The following DIS3L2 variants were observed in gnomAD, a reference collection of about 807,000 sequenced individuals.
DIS3L2 encodes the protein DIS3-like exonuclease 2.
DIS3L2 carries 34 observed loss-of-function variants against 97.5 expected under a neutral mutation model. That is an observed-to-expected ratio of 0.35 (90% CI 0.27 to 0.46). The LOEUF (loss-of-function observed/expected upper bound fraction) is 0.46. Among genes scored for constraint, DIS3L2 ranks in the 20% least tolerant of loss-of-function variants. DIS3L2 has a pLI of 1.00. For missense variants in DIS3L2, 1,038 were observed against 1,146.0 expected, an observed-to-expected ratio of 0.91 and a Z score of 1.36; for synonymous variants, 435 against 445.2, an observed-to-expected ratio of 0.98 and a Z score of 0.29.
At chr2:232,336,329 G>GC (rs1397619880) in intron 20 of DIS3L2, 140 bp from the exon 21 acceptor site, 10 of 1,547,522 alleles carry the variant, frequency 6.5e-6, no homozygotes, top group Non-Finnish European at 2.6e-6. Flanking sequence ...CCTGGAGGGG[G>GC]CCCCCATTAC....
At chr2:232,168,060 A>C (rs1387775061) in intron 9 of DIS3L2, among the ~76,000 whole-genome samples, 1 of 152,186 alleles carries the variant, frequency 6.6e-6, no homozygotes, top group African/African-American at 2.4e-5. Flanking sequence ...AAAAATAAAA[A>C]TAAATAAAAA....
At chr2:232,329,785 T>TCCCCGGGGGG in intron 14 of DIS3L2, 28 bp from the exon 15 acceptor site, 83 of 967,070 alleles carry the variant, frequency 8.6e-5, no homozygotes, top group Non-Finnish European at 9.3e-5. Context: ...ACCCCAGCGG[T>TCCCCGGGGGG]CCCTCCCATC....
chr2:231,972,170 C>T (rs376302215), intron 1 of DIS3L2, among the ~76,000 whole-genome samples: 24 of 150,706 alleles, frequency 1.6e-4, no homozygotes, highest in South Asian at 4.2e-4. Context: ...GGCTACAGAG[C>T]GAGACTCGGT....
At chr2:232,015,008 A>T in intron 2 of DIS3L2, 29 bp downstream of exon 2, 1 of 1,612,454 alleles carries the variant, frequency 6.2e-7, no homozygotes, top group Non-Finnish European at 8.5e-7. Context: ...AGTCTGCCTG[A>T]ATAACTGGAG....
intron 13 of DIS3L2, among the ~76,000 whole-genome samples, chr2:232,294,835 A>G (rs1288857397): frequency 6.6e-6 from 1 of 152,234 alleles, no homozygotes; most frequent in African/African-American, 2.4e-5. Flanking sequence ...CGAGGATTAA[A>G]TAAGATCAGC....
At position 232,334,645 on chromosome 2, in the gene DIS3L2, G is replaced by A. The variant is rs1366441079; in HGVS notation, c.2304G>A (p.Leu768=). 2.5e-6 allele frequency: 4 copies of A among 1,608,586 alleles called. No homozygotes were observed. Among genetic ancestry groups the A allele is most frequent in the Non-Finnish European group, 3.4e-6 (4 of 1,177,892 alleles). The change falls in exon 19 of 21, where the codon CTG becomes CTA. Residue 768 remains leucine, a synonymous_variant. Transcript: ENST00000325385. ...TGTCCCTGCAGGAGAGTGGCCCCCT[G>A]GAGTCAGAAGCCATGGTGATGGGCA... is the stretch of plus-strand genomic sequence containing the variant. The part of the protein sequence containing the change: ...FAVLVKESGP[L]ESEAMVMGIL...
chr2:232,216,095 T>C (rs920409487), intron 10 of DIS3L2, among the ~76,000 whole-genome samples: 1 of 152,252 alleles, frequency 6.6e-6, no homozygotes, highest in African/African-American at 2.4e-5. Context: ...TTCACTTGTG[T>C]CTGTCAGGAC....
chr2:232,251,483 A>G (rs1216934197), intron 12 of DIS3L2, among the ~76,000 whole-genome samples: 1 of 152,236 alleles, frequency 6.6e-6, no homozygotes, highest in Non-Finnish European at 1.5e-5. Flanking sequence ...AAGATATACA[A>G]TATCTGTTCA....
intron 9 of DIS3L2, among the ~76,000 whole-genome samples, chr2:232,188,201 GTGTTTCCCCTC>G (rs1402696877): frequency 6.6e-6 from 1 of 152,182 alleles, no homozygotes; most frequent in Non-Finnish European, 1.5e-5. Context: ...TATAAACAAA[GTGTTTCCCCTC>G]TGTGCAGAGA....
chr2:232,077,965 C>CTTTCTTTCTTTCT (rs1358830598), intron 5 of DIS3L2, among the ~76,000 whole-genome samples: 1 of 102,482 alleles, frequency 9.8e-6, no homozygotes, highest in Non-Finnish European at 2.0e-5. Context: ...CTCTTTCTTT[C>CTTTCTTTCTTTCT]TTTCTTTCTT....
At chr2:232,283,138 T>G (rs2106303459) in intron 13 of DIS3L2, among the ~76,000 whole-genome samples, 1 of 152,340 alleles carries the variant, frequency 6.6e-6, no homozygotes, top group South Asian at 2.1e-4. Context: ...TGCCAAGTGC[T>G]TTCACACATT....
intron 1 of DIS3L2, among the ~76,000 whole-genome samples, chr2:231,968,676 T>C (rs886287944): frequency 1.3e-5 from 2 of 152,280 alleles, no homozygotes; most frequent in Non-Finnish European, 2.9e-5. Flanking sequence ...AAAAATTTTG[T>C]TTACAAGGCT....
intron 9 of DIS3L2, among the ~76,000 whole-genome samples, chr2:232,207,891 C>A (rs1158307915): frequency 3.9e-5 from 6 of 152,052 alleles, no homozygotes; most frequent in Non-Finnish European, 8.8e-5. Flanking sequence ...AAGGAAGATT[C>A]TCTATAGTTT....
intron 5 of DIS3L2, among the ~76,000 whole-genome samples, chr2:232,057,020 T>A (rs1288900775): frequency 6.6e-6 from 1 of 152,124 alleles, no homozygotes; most frequent in African/African-American, 2.4e-5. Flanking sequence ...ACCATCCAAA[T>A]CTCAATAGTA....
intron 1 of DIS3L2, among the ~76,000 whole-genome samples, chr2:231,984,965 TG>T (rs1693370329): frequency 6.6e-6 from 1 of 152,222 alleles, no homozygotes; most frequent in Admixed American, 6.5e-5. Context: ...CACATGCAAT[TG>T]TAAGAAATAA....
rs1559543105 is a variant in DIS3L2 at position 232,015,650 on chromosome 2, G to T, written c.189G>T (p.Leu63Phe). 1.9e-6 allele frequency: 3 copies of T among 1,613,948 alleles called. No individual in the cohort carries two copies. The highest frequency in any genetic ancestry group is 4.5e-5 in the East Asian group (2 of 44,870). Residue 63 changes from leucine (L) to phenylalanine (F), a missense_variant, in exon 3 of 21, where the codon TTG (leucine) becomes TTT (phenylalanine). Around this residue, in one of 3 missense-constraint regions of DIS3L2, gnomAD observed 813 missense variants for 880.1 expected, o/e 0.92. Transcript: ENST00000325385. ...CCAAGGAGGATGTTTCAGAAGGCTTGAAGAGAGGAACACTCATCCAGGTGC... is the reference window on the plus strand; with the variant it reads ...CCAAGGAGGATGTTTCAGAAGGCTTTAAGAGAGGAACACTCATCCAGGTGC... ...YMSKEDVSEG[L>F]KRGTLIQGVL...
At chr2:232,343,390 A>T (rs762972504) in exon 14 of DIS3L2, 20 of 1,556,352 alleles carry the variant, frequency 1.3e-5, no homozygotes, top group African/African-American at 2.7e-5. Context: ...GGCCTCTCAC[A>T]GCCCCTCTGC....
chr2:232,162,498 C>T (rs1690681784), intron 8 of DIS3L2, among the ~76,000 whole-genome samples: 2 of 152,222 alleles, frequency 1.3e-5, no homozygotes, highest in African/African-American at 2.4e-5. Context: ...CTCCAGCAGC[C>T]AAGCATCTAC....
chr2:232,293,575 G>A lies in DIS3L2; in HGVS notation c.1660-6465G>A, dbSNP rs1015498321. Among the ~76,000 whole-genome samples the A allele has an allele frequency of 1.3e-5, 2 of 152,138 alleles. No individual in the cohort carries two copies. Among genetic ancestry groups the A allele is most frequent in the Non-Finnish European group, 2.9e-5 (2 of 68,016 alleles). On this transcript the variant is annotated intron_variant, in intron 13 of 20. Coordinates refer to ENST00000325385, the MANE Select transcript of DIS3L2 (RefSeq NM_152383.5). This position sits in a 1 kb window ranked among gnomAD's most constrained non-coding sequence, Gnocchi z 4.6. ...ACCCCTCAGGGAAGTGGACCGCGTC[G>A]GGGAGTGCATGGAGCTCTGCAGGAG...
Sources: allele counts gnomAD v4.1 joint callset (sites outside exome capture counted in the v4.1 genomes callset), GRCh38; gene constraint gnomAD v4.1.1; regional missense constraint gnomAD v4.1.1; non-coding constraint Gnocchi (gnomAD v3.1); transcripts MANE v1.5; gene names NCBI Gene and HGNC (gene_info 2026-07-23, HGNC 2026-07-21).